The following PRKN variants were observed in gnomAD, a reference collection of about 807,000 sequenced individuals.
PRKN encodes the protein E3 ubiquitin-protein ligase parkin.
In PRKN, 56 loss-of-function variants were observed where a neutral mutation model predicts 59.5. The ratio of observed to expected loss-of-function variants is 0.94; its 90% CI spans 0.76 to 1.18. PRKN has a LOEUF of 1.18. Ranked by LOEUF, PRKN falls within the 50% of genes most tolerant of loss-of-function variation. The pLI is 0.00. For synonymous variants in PRKN, 250 were observed against 222.1 expected, an observed-to-expected ratio of 1.13 and a Z score of -1.12; for missense variants, 657 against 596.4, an observed-to-expected ratio of 1.10 and a Z score of -1.06.
chr6:162,382,537 A>G (rs1786547099), intron 2 of PRKN, among the ~76,000 whole-genome samples: 1 of 152,228 alleles, frequency 6.6e-6, no homozygotes, highest in South Asian at 2.1e-4. Flanking sequence ...AAAATACGTT[A>G]TTGCTAAAAA....
intron 5 of PRKN, among the ~76,000 whole-genome samples, chr6:162,022,090 A>G (rs915256161): frequency 7.9e-5 from 12 of 152,162 alleles, no homozygotes; most frequent in Non-Finnish European, 1.5e-4. Context: ...TCTTTATCCA[A>G]TCTACCATTG....
chr6:162,198,884 G>C (rs1452213535), intron 4 of PRKN, among the ~76,000 whole-genome samples: 2 of 152,056 alleles, frequency 1.3e-5, no homozygotes, highest in African/African-American at 4.8e-5. Context: ...ATTTTGGCTT[G>C]TTATGTTTAG....
At chr6:161,380,322 G>A (rs1369941504) in intron 10 of PRKN, among the ~76,000 whole-genome samples, 1 of 151,760 alleles carries the variant, frequency 6.6e-6, no homozygotes, top group Non-Finnish European at 1.5e-5. Context: ...ACTCTCTCGT[G>A]CCTCTTAGCA....
intron 2 of PRKN, among the ~76,000 whole-genome samples, chr6:162,332,043 C>T (rs575171409): frequency 6.6e-6 from 1 of 152,170 alleles, no homozygotes; most frequent in Admixed American, 6.5e-5. Flanking sequence ...CCCTACTCTT[C>T]CTTCCCAAGA....
In PRKN at chr6:161,529,594, A is replaced by G. The variant is rs563637968; in HGVS notation, c.1083+19260T>C. Among the ~76,000 whole-genome samples, 1 of 152,318 alleles carries G rather than the reference A, an allele frequency of 6.6e-6. No homozygotes were observed. Among genetic ancestry groups the G allele is most frequent in the African/African-American group, 2.4e-5 (1 of 41,578 alleles). On this transcript the variant is annotated intron_variant, in intron 9 of 11. Coordinates refer to ENST00000366898, the MANE Select transcript of PRKN (RefSeq NM_004562.3). This position sits in a 1 kb window ranked among gnomAD's most constrained non-coding sequence, Gnocchi z 4.4. ...CCAGTAATAAAACATCTAAACCTCC[A>G]TATTTGGACGAAGTATAGTCTACTC...
At chr6:161,366,308 G>A (rs1785196742) in intron 10 of PRKN, among the ~76,000 whole-genome samples, 1 of 152,150 alleles carries the variant, frequency 6.6e-6, no homozygotes, top group South Asian at 2.1e-4. Flanking sequence ...CGTGGGTTAA[G>A]AGGCACCCTC....
At chr6:162,655,610 G>GA (rs1297060350) in intron 1 of PRKN, among the ~76,000 whole-genome samples, 1 of 151,892 alleles carries the variant, frequency 6.6e-6, no homozygotes, top group Non-Finnish European at 1.5e-5. Context: ...TTTTAACAGG[G>GA]AAAAAAAGGA....
chr6:161,406,609 G>A (rs577965917), intron 9 of PRKN, among the ~76,000 whole-genome samples: 32 of 152,148 alleles, frequency 2.1e-4, no homozygotes, highest in African/African-American at 7.5e-4. Context: ...GTATTAGCCC[G>A]AAGGAAATAT....
rs889242549 is a variant in PRKN at position 162,589,351 on chromosome 6, T to TA, written c.7+138310dup. Among the ~76,000 whole-genome samples, 14 of 151,866 alleles carry TA rather than the reference T, an allele frequency of 9.2e-5. No homozygotes were observed. The East Asian group carries it at 1.9e-3, about 21-fold the overall frequency. On this transcript the variant is annotated intron_variant, in intron 1 of 11. Coordinates refer to ENST00000366898, the MANE Select transcript of PRKN (RefSeq NM_004562.3). ...AAATACAAAAATGTTACAAGAAATT[T>TA]AAAAAAAATAACACTGATAGCTCCT... is the stretch of plus-strand genomic sequence containing the variant.
At chr6:161,492,346 T>C (rs1308485757) in intron 9 of PRKN, among the ~76,000 whole-genome samples, 3 of 152,260 alleles carry the variant, frequency 2.0e-5, no homozygotes, top group African/African-American at 7.2e-5. Context: ...AGACCAAGAT[T>C]ATGGTGACAG....
chr6:161,868,796 A>T (rs10945786), intron 6 of PRKN, among the ~76,000 whole-genome samples: 12,852 of 152,148 alleles, frequency 0.084, 1,837 homozygotes, highest in African/African-American at 0.29. Context: ...AGGGAAAAAA[A>T]TATTTGGATG....
intron 4 of PRKN, among the ~76,000 whole-genome samples, chr6:162,154,504 G>A (rs1782416002): frequency 7.0e-6 from 1 of 142,034 alleles, no homozygotes; most frequent in South Asian, 2.3e-4. Context: ...CTACACTCTA[G>A]TGACACTAGT....
intron 9 of PRKN, among the ~76,000 whole-genome samples, chr6:161,426,442 G>GA (rs1464431287): frequency 1.3e-5 from 2 of 152,050 alleles, no homozygotes; most frequent in Non-Finnish European, 1.5e-5. Flanking sequence ...AAAGCAGGCA[G>GA]AAAAACATGA....
chr6:161,860,880 A>T (rs1401314948), intron 6 of PRKN, among the ~76,000 whole-genome samples: 1 of 152,210 alleles, frequency 6.6e-6, no homozygotes, highest in Non-Finnish European at 1.5e-5. Context: ...CCACAATGAG[A>T]TACCATCTTA....
At chr6:162,672,682 A>G (rs1280242332) in intron 1 of PRKN, among the ~76,000 whole-genome samples, 2 of 95,890 alleles carry the variant, frequency 2.1e-5, no homozygotes, top group African/African-American at 8.0e-5. Context: ...GTTTTGGGGG[A>G]AAAGTGTGTG....
intron 7 of PRKN, among the ~76,000 whole-genome samples, chr6:161,763,513 G>T (rs1789292872): frequency 6.6e-6 from 1 of 152,094 alleles, no homozygotes; most frequent in Admixed American, 6.5e-5. Flanking sequence ...GAAGAGCGGA[G>T]CAGTGTTAGT....
chr6:161,439,652 G>A (rs189930016), intron 9 of PRKN, among the ~76,000 whole-genome samples: 1 of 152,126 alleles, frequency 6.6e-6, no homozygotes, highest in African/African-American at 2.4e-5. Flanking sequence ...GAACTAAACC[G>A]GTTTGTGCCA....
At position 162,632,298 on chromosome 6, in the gene PRKN, C is replaced by T. The variant is rs187157187; in HGVS notation, c.7+95364G>A. On this transcript the variant is annotated intron_variant, in intron 1 of 11. Transcript: ENST00000366898. ...TAGACTGGATAAAGAAAATGTGGTA[C>T]ATATACACCATGGAATACTACATAG... Among the ~76,000 whole-genome samples, 967 of 152,224 alleles carry T rather than the reference C, an allele frequency of 6.4e-3. 6 individuals carry two copies. The highest frequency in any genetic ancestry group is 0.022 in the African/African-American group (925 of 41,526).
rs372937356 is a variant in PRKN at position 162,185,219 on chromosome 6, A to G, written c.534+15912T>C. Among the ~76,000 whole-genome samples the G allele has an allele frequency of 1.6e-4, 24 of 152,290 alleles. No individual in the cohort carries two copies. The East Asian group carries it at 3.5e-3, about 22-fold the overall frequency. ...AACTCATCTTAATTTTCCAAGTTCA[A>G]TACAATGCATAGCCATTTGAAAATA... On this transcript the variant is annotated intron_variant, in intron 4 of 11. Coordinates refer to ENST00000366898, the MANE Select transcript of PRKN (RefSeq NM_004562.3).
Sources: gnomAD v4.1 joint callset for allele counts (sites outside exome capture counted in the v4.1 genomes callset) on GRCh38, gnomAD v4.1.1 for gene constraint, Gnocchi (gnomAD v3.1) non-coding constraint, MANE v1.5 for transcripts, NCBI Gene and HGNC (gene_info 2026-07-23, HGNC 2026-07-21) for gene names.